RBM5: variants seen among roughly 807,000 people sequenced by gnomAD.
RBM5 encodes the protein RNA binding motif protein 5.
A neutral mutation model predicts 124.6 loss-of-function variants in RBM5; 15 were observed. The ratio of observed to expected loss-of-function variants is 0.12; its 90% CI spans 0.08 to 0.19. The LOEUF is 0.19. Ranked by LOEUF, RBM5 falls within the 10% of genes least tolerant of loss-of-function variation. The pLI is 1.00. For synonymous variants in RBM5, 337 were observed against 361.2 expected (o/e 0.93, Z 0.76); for missense variants, 580 against 1,026.5 (o/e 0.57, Z 5.94).
intron 12 of RBM5, 64 bp from the exon 13 acceptor site, chr3:50,108,006 A>C: frequency 1.5e-6 from 2 of 1,377,566 alleles, no homozygotes; most frequent in Non-Finnish European, 2.1e-6. Flanking sequence ...ATTTTTAGGG[A>C]CTTCTGAATT....
At position 50,113,491 on chromosome 3, in the gene RBM5, G is replaced by T. The variant is rs542601077; in HGVS notation, c.1564G>T (p.Ala522Ser). 6.2e-6 allele frequency: 10 copies of T among 1,613,936 alleles called. No homozygotes were observed. The highest frequency in any genetic ancestry group is 8.5e-6 in the Non-Finnish European group (10 of 1,179,998). Residue 522 changes from alanine to serine, a missense_variant, in exon 18 of 25, where the codon GCA (alanine) becomes TCA (serine). Physicochemically the swap from Ala to Ser is moderately conservative, Grantham distance 99. Around this residue, in one of 6 missense-constraint regions of RBM5, gnomAD observed 234 missense variants for 435.1 expected, o/e 0.54. Transcript: ENST00000347869. ...SSHQQSGLPP[A>S]KEGKEKKEKP... is the part of the protein sequence containing the mutation. ...CCACCAGCAGTCGGGCCTGCCTCCT[G>T]CAAAAGAGGGGAAAGAGAAGAAGGA... is the stretch of plus-strand genomic sequence containing the variant.
intron 1 of RBM5, chr3:50,089,902 T>G (rs1331205576): frequency 2.5e-5 from 4 of 158,202 alleles, no homozygotes; most frequent in Non-Finnish European, 5.6e-5. Flanking sequence ...GTAGTAGATT[T>G]CAGTCAGCTC....
intron 11 of RBM5, 33 bp from the exon 12 acceptor site, chr3:50,107,449 T>G (rs1281673940): frequency 6.6e-7 from 1 of 1,511,808 alleles, no homozygotes; most frequent in Non-Finnish European, 9.2e-7. Context: ...AATACTGTGA[T>G]AGAATCACAT....
rs1283684435 is a variant in RBM5 at position 50,114,250 on chromosome 3, A to C, written c.1838A>C (p.Lys613Thr). Residue 613 changes from lysine to threonine, a missense_variant and splice_region_variant, in exon 20 of 25, where the codon AAA becomes ACA. Physicochemically the swap from Lys to Thr is moderately conservative, Grantham distance 78. Transcript: ENST00000347869. Reference sequence around the variant, plus strand: ...AATGGAGATGAGGAGAATCCCCTCAAAGTAAGGGAGTACCACCAGTGTTTT... The same window carrying C: ...AATGGAGATGAGGAGAATCCCCTCACAGTAAGGGAGTACCACCAGTGTTTT... Reference protein sequence around the residue: ...VRNGDEENPLKRGLVAAYSGD... With the variant: ...VRNGDEENPLTRGLVAAYSGD... 1.9e-6 allele frequency: 3 copies of C among 1,604,142 alleles called. No individual in the cohort carries two copies. The South Asian group carries it at 3.4e-5, about 18-fold the overall frequency.
chr3:50,109,452 G>T, intron 14 of RBM5, 151 bp from the exon 15 acceptor site: 1 of 641,280 alleles, frequency 1.6e-6, no homozygotes, highest in Non-Finnish European at 2.8e-6. Context: ...AAATGAAAAT[G>T]TCACAGATTC....
intron 4 of RBM5, among the ~76,000 whole-genome samples, chr3:50,097,273 G>T (rs902939371): frequency 6.6e-6 from 1 of 152,076 alleles, no homozygotes; most frequent in Non-Finnish European, 1.5e-5. Flanking sequence ...GCGGGCGCCT[G>T]TAGTCCCAGT....
chr3:50,097,580 T>G (rs1411375098), intron 4 of RBM5, among the ~76,000 whole-genome samples: 1 of 148,570 alleles, frequency 6.7e-6, no homozygotes, highest in Non-Finnish European at 1.5e-5. Context: ...TTTCACCCTG[T>G]TTTTTTTTTC....
intron 20 of RBM5, chr3:50,114,572 G>T (rs762306938): frequency 5.5e-5 from 16 of 292,960 alleles, no homozygotes; most frequent in Non-Finnish European, 9.3e-5. Flanking sequence ...ATAGATACTG[G>T]TCTGGGTGGG....
At chr3:50,112,414 T>TAAAAAAAAAAAA (rs58011975) in intron 17 of RBM5, among the ~76,000 whole-genome samples, 1 of 88,240 alleles carries the variant, frequency 1.1e-5, no homozygotes, top group African/African-American at 4.8e-5. Flanking sequence ...AGACTCTGTC[T>TAAAAAAAAAAAA]AAAAAAAAAA....
chr3:50,105,002 G>C, intron 8 of RBM5, 75 bp from the exon 9 acceptor site: 2 of 1,147,568 alleles, frequency 1.7e-6, no homozygotes, highest in Non-Finnish European at 2.6e-6. Flanking sequence ...ATAAAAACTT[G>C]TGGGGATTTT....
At chr3:50,102,713 GA>G (rs1307417399) in intron 6 of RBM5, 1 of 223,600 alleles carries the variant, frequency 4.5e-6, no homozygotes, top group African/African-American at 2.4e-5. Flanking sequence ...GCAAAAGTAA[GA>G]GACAGTCTCA....
rs959544439 is a variant in RBM5 at position 50,118,663 on chromosome 3, G to A, written c.*207G>A. ...GTGAATGGCCTTCCTTCCCGCCAGA[G>A]GGCTTGTGAACAGACCGGAGAGGAC... On this transcript the variant is annotated 3_prime_UTR_variant, in exon 25 of 25. Coordinates refer to ENST00000347869, the MANE Select transcript of RBM5 (RefSeq NM_005778.4). 4 of 723,078 alleles carry A rather than the reference G, an allele frequency of 5.5e-6. No individual in the cohort carries two copies. Among genetic ancestry groups the A allele is most frequent in the African/African-American group, 5.3e-5 (3 of 56,486 alleles). 44.8% of individuals were successfully genotyped at this position (723,078 alleles called of 1,614,324 possible).
At chr3:50,099,853 G>A in intron 4 of RBM5, 129 bp from the exon 5 acceptor site, 1 of 717,126 alleles carries the variant, frequency 1.4e-6, no homozygotes, top group Non-Finnish European at 2.2e-6. Flanking sequence ...TCAAGTGAGT[G>A]AGAGACAGAG....
At position 50,100,511 on chromosome 3, in the gene RBM5, A is replaced by G. The variant is rs1183233037; in HGVS notation, c.410-21A>G. 1.9e-6 allele frequency: 3 copies of G among 1,587,102 alleles called. No homozygotes were observed. Among genetic ancestry groups the G allele is most frequent in the Non-Finnish European group, 1.7e-6 (2 of 1,155,642 alleles). On this transcript the variant is annotated intron_variant, in intron 5 of 24. Coordinates refer to ENST00000347869, the MANE Select transcript of RBM5 (RefSeq NM_005778.4). This position sits in a 1 kb window ranked among gnomAD's most constrained non-coding sequence, Gnocchi z 5.1. Reference sequence around the variant, plus strand: ...ACTGACTAACACAAGTATCCCGTCTATATCTGAATGCTGTCTCTAGGTGTA... The same window carrying G: ...ACTGACTAACACAAGTATCCCGTCTGTATCTGAATGCTGTCTCTAGGTGTA...
chr3:50,104,203 T>C (rs771983645), intron 7 of RBM5, 45 bp from the exon 8 acceptor site: 1 of 1,548,204 alleles, frequency 6.5e-7, no homozygotes, highest in Non-Finnish European at 8.9e-7. Flanking sequence ...CTAGAAAGCC[T>C]GGCCTAATGT....
chr3:50,090,304 C>T, intron 1 of RBM5, 78 bp from the exon 2 acceptor site: 1 of 921,348 alleles, frequency 1.1e-6, no homozygotes. Context: ...ATCCCAGCCT[C>T]AGTAGTATCC....
At position 50,093,879 on chromosome 3, in the gene RBM5, A is replaced by AGG; in HGVS notation, c.339+7_339+8dup. The AGG allele has an allele frequency of 6.2e-7, 1 of 1,604,090 alleles. No homozygotes were observed. Among genetic ancestry groups the AGG allele is most frequent in the Non-Finnish European group, 8.5e-7 (1 of 1,171,696 alleles). On this transcript the variant is annotated splice_donor_region_variant and intron_variant, in intron 4 of 24. Coordinates refer to ENST00000347869, the MANE Select transcript of RBM5 (RefSeq NM_005778.4). Reference sequence around the variant, plus strand: ...CATCACCATCACAGAGAGCGATGTAAGGGGAAATGACAGTTATAACCAGCA... The same window carrying AGG: ...CATCACCATCACAGAGAGCGATGTAAGGGGGGAAATGACAGTTATAACCAGCA...
At position 50,093,714 on chromosome 3, in the gene RBM5, ACT is replaced by A; in HGVS notation, c.184-4_184-3del. The stretch of plus-strand genomic sequence containing the variant: ...GTTAATTGTGATTTTGTTTATTGTA[ACT>A]CAGAGAGAGCGTGAAAGAAGGAACA... On this transcript the variant is annotated splice_region_variant and splice_polypyrimidine_tract_variant and intron_variant, in intron 3 of 24. Coordinates refer to ENST00000347869, the MANE Select transcript of RBM5 (RefSeq NM_005778.4). 4 of 1,611,448 alleles carry A rather than the reference ACT, an allele frequency of 2.5e-6. No homozygotes were observed. Among genetic ancestry groups the A allele is most frequent in the Non-Finnish European group, 3.4e-6 (4 of 1,177,894 alleles).
At chr3:50,115,669 C>T in intron 21 of RBM5, 62 bp downstream of exon 21, 1 of 1,534,566 alleles carries the variant, frequency 6.5e-7, no homozygotes, top group South Asian at 1.3e-5. Context: ...ATTTGAGTGC[C>T]CTAACAGTCC....
Sources: gnomAD v4.1 joint callset for allele counts (sites outside exome capture counted in the v4.1 genomes callset) on GRCh38, gnomAD v4.1.1 for gene constraint, gnomAD v4.1.1 regional missense constraint, Gnocchi (gnomAD v3.1) non-coding constraint, MANE v1.5 for transcripts, NCBI Gene and HGNC (gene_info 2026-07-23, HGNC 2026-07-21) for gene names.